HMCN1: variants seen among roughly 807,000 people sequenced by gnomAD.
HMCN1 encodes hemicentin-1.
In HMCN1, 321 loss-of-function variants were observed where a neutral mutation model predicts 625.9. The ratio of observed to expected loss-of-function variants is 0.51; its 90% CI spans 0.47 to 0.56. The LOEUF (loss-of-function observed/expected upper bound fraction) is 0.56. HMCN1 is among the 20% of genes least tolerant of loss of function. The pLI is 0.00. For missense variants in HMCN1, 6,588 were observed against 6,887.3 expected, an observed-to-expected ratio of 0.96 and a Z score of 1.54; for synonymous variants, 2,425 against 2,417.6, an observed-to-expected ratio of 1.00 and a Z score of -0.09.
rs74134349 is a variant in HMCN1, at chr1:185,881,963, A to C, written c.621+16100A>C. Among the ~76,000 whole-genome samples, 1,074 of 152,220 alleles carry C rather than the reference A, an allele frequency of 7.1e-3. 13 individuals are homozygous for C. The highest frequency in any genetic ancestry group is 0.023 in the African/African-American group (962 of 41,542). The stretch of plus-strand genomic sequence containing the variant: ...ATTTTCCCTGTACTTCCTCTTTTAG[A>C]TGGGGCCTGGAAAGTTGAAGTTCTG... On this transcript the variant is annotated intron_variant, in intron 4 of 106. Transcript: ENST00000271588.
In HMCN1 at chr1:186,151,606, G is replaced by A. The variant is rs746028576; in HGVS notation, c.14759G>A (p.Gly4920Asp). Reference sequence around the variant, plus strand: ...CTTATTTATCCTTTTTTTTCTTTAGGTTCAGCAATGAGAAAGATAGTTTCT... The same window carrying A: ...CTTATTTATCCTTTTTTTTCTTTAGATTCAGCAATGAGAAAGATAGTTTCT... ...AKITNVPRSLGSAMRKIVSIL... is the reference protein window; with the variant it reads ...AKITNVPRSLDSAMRKIVSIL... The change falls in exon 95 of 107, where the codon GGT becomes GAT. Residue 4920 changes from glycine to aspartate, a missense_variant and splice_region_variant. Coordinates refer to ENST00000271588, the MANE Select transcript of HMCN1 (RefSeq NM_031935.3). 6 of 1,608,496 alleles carry A rather than the reference G, an allele frequency of 3.7e-6. No homozygotes were observed. Among genetic ancestry groups the A allele is most frequent in the Admixed American group, 3.4e-5 (2 of 59,284 alleles).
chr1:186,152,940 A>C, intron 96 of HMCN1, 69 bp downstream of exon 96: 1 of 1,583,968 alleles, frequency 6.3e-7, no homozygotes, highest in East Asian at 2.3e-5. Context: ...CCATAGAATG[A>C]GCACAGATAA....
chr1:186,015,890 T>C (rs1654333840), intron 31 of HMCN1, 68 bp from the exon 32 acceptor site: 2 of 1,420,046 alleles, frequency 1.4e-6, no homozygotes, highest in Non-Finnish European at 2.0e-6. Context: ...AGCTCTTCTT[T>C]ATTTCATTAG....
intron 83 of HMCN1, among the ~76,000 whole-genome samples, chr1:186,129,712 A>C (rs1398324458): frequency 1.3e-5 from 2 of 152,174 alleles, no homozygotes; most frequent in Non-Finnish European, 2.9e-5. Context: ...CTTTAAACCT[A>C]AAATAATTTT....
intron 96 of HMCN1, 50 bp from the exon 97 acceptor site, chr1:186,153,700 A>G (rs748537975): frequency 6.6e-7 from 1 of 1,522,950 alleles, no homozygotes; most frequent in Non-Finnish European, 9.1e-7. Context: ...TTAAGGGAAA[A>G]AAATTAGTAT....
In HMCN1 at chr1:185,961,303, G is replaced by T. The variant is rs1197935758; in HGVS notation, c.1829-1215G>T. ...AATTTGCAGACTAACTTACAGGAAA[G>T]ATATATCATAAATATATTCACATCT... On this transcript the variant is annotated intron_variant, in intron 11 of 106. Coordinates refer to ENST00000271588, the MANE Select transcript of HMCN1 (RefSeq NM_031935.3). 2.6e-5 allele frequency among the ~76,000 whole-genome samples: 4 copies of T among 152,092 alleles called. No individual in the cohort carries two copies. In the East Asian group the frequency reaches 7.7e-4, roughly 29 times the overall value.
At chr1:185,823,109 AAT>A (rs1322117398) in intron 1 of HMCN1, among the ~76,000 whole-genome samples, 1 of 152,086 alleles carries the variant, frequency 6.6e-6, no homozygotes, top group Non-Finnish European at 1.5e-5. Context: ...TTCTCTAAGG[AAT>A]GAATACCAAT....
intron 53 of HMCN1, 142 bp downstream of exon 53, chr1:186,075,033 TAAAG>T: frequency 2.8e-6 from 2 of 708,396 alleles, no homozygotes; most frequent in East Asian, 2.7e-5. Context: ...ACTCGAGAAT[TAAAG>T]AAGGAAATAA....
rs536019281 is a variant in HMCN1, at chr1:186,057,249, T to C, written c.7160T>C (p.Ile2387Thr). ...DLSVHAPPSIIGNHRSPENIS... is the reference protein window; with the variant it reads ...DLSVHAPPSITGNHRSPENIS... ...TGTCTTACAGCTCCTCCAAGCATCA[T>C]AGGAAACCACAGGTCACCTGAAAAT... The change falls in exon 46 of 107, where the codon ATA becomes ACA. Residue 2387 changes from isoleucine (I) to threonine (T), a missense_variant. Ile to Thr is a moderately conservative substitution (Grantham distance 89). Around this residue, in one of 3 missense-constraint regions of HMCN1, gnomAD observed 4,628 missense variants for 4,853.1 expected, o/e 0.95. Coordinates refer to ENST00000271588, the MANE Select transcript of HMCN1 (RefSeq NM_031935.3). 26 of 1,611,392 alleles carry C rather than the reference T, an allele frequency of 1.6e-5. No homozygotes were observed. In the South Asian group the frequency reaches 2.5e-4, roughly 16 times the overall value.
At chr1:185,933,449 C>G in intron 10 of HMCN1, 100 bp from the exon 11 acceptor site, 1 of 1,148,254 alleles carries the variant, frequency 8.7e-7, no homozygotes. Flanking sequence ...ATCTTTCCTA[C>G]TGGATGTTCA....
At chr1:186,081,528 G>T (rs1019363042) in intron 56 of HMCN1, 134 bp downstream of exon 56, 1 of 647,320 alleles carries the variant, frequency 1.5e-6, no homozygotes, top group African/African-American at 1.8e-5. Context: ...ACCATCAAAG[G>T]TATATATAAT....
At chr1:185,762,637 G>C (rs532576063) in intron 1 of HMCN1, among the ~76,000 whole-genome samples, 2 of 152,230 alleles carry the variant, frequency 1.3e-5, no homozygotes, top group South Asian at 2.1e-4. Context: ...TAACAAGATA[G>C]GATAGATGAA....
chr1:186,093,458 C>CCT, intron 65 of HMCN1, 28 bp from the exon 66 acceptor site: 1 of 1,608,034 alleles, frequency 6.2e-7, no homozygotes, highest in Non-Finnish European at 8.5e-7. Flanking sequence ...ATCCCTCTTC[C>CCT]CTCTCTCTCA....
chr1:186,075,786 A>T (rs1448440972), intron 53 of HMCN1, among the ~76,000 whole-genome samples: 1 of 152,182 alleles, frequency 6.6e-6, no homozygotes, highest in African/African-American at 2.4e-5. Flanking sequence ...TGCTACACTG[A>T]ACATCTTTAT....
intron 4 of HMCN1, among the ~76,000 whole-genome samples, chr1:185,902,873 A>T (rs932582418): frequency 1.3e-5 from 2 of 151,626 alleles, no homozygotes; most frequent in Non-Finnish European, 3.0e-5. Context: ...TCCTTTTAAA[A>T]CTAGAAAGTT....
rs748529848 is a variant in HMCN1, at chr1:186,136,694, G to C, written c.13339G>C (p.Val4447Leu). Residue 4447 changes from valine to leucine, a missense_variant, in exon 87 of 107, where the codon GTG becomes CTG. Physicochemically the swap from Val to Leu is conservative, Grantham distance 32. This residue lies in a region of HMCN1 where 1,954 missense variants were observed against 2,013.1 expected (regional missense o/e 0.97). Transcript: ENST00000271588. ...TCCTCCTATTATCACTCTTGAGCCAGTGGAAACTGTTATTAATGCTGGTGG... is the reference window on the plus strand; with the variant it reads ...TCCTCCTATTATCACTCTTGAGCCACTGGAAACTGTTATTAATGCTGGTGG... The part of the protein sequence containing the change: ...QSPPIITLEP[V>L]ETVINAGGKI... 48 of 1,613,850 alleles carry C rather than the reference G, an allele frequency of 3.0e-5. No individual in the cohort carries two copies. In the Admixed American group the frequency reaches 8.0e-4, roughly 27 times the overall value.
intron 1 of HMCN1, among the ~76,000 whole-genome samples, chr1:185,796,278 A>G (rs570410098): frequency 6.6e-6 from 1 of 152,224 alleles, no homozygotes. Context: ...TCCCTCATTG[A>G]TATGACAGGA....
At chr1:185,967,797 T>C (rs1374565702) in intron 14 of HMCN1, among the ~76,000 whole-genome samples, 3 of 152,168 alleles carry the variant, frequency 2.0e-5, no homozygotes, top group Non-Finnish European at 4.4e-5. Flanking sequence ...GAAGAGTTCC[T>C]GCCTTCACCA....
chr1:185,877,449 T>C (rs1295693936), intron 4 of HMCN1, among the ~76,000 whole-genome samples: 1 of 151,158 alleles, frequency 6.6e-6, no homozygotes, highest in Non-Finnish European at 1.5e-5. Context: ...GCTATAGGGC[T>C]CTTTTTTGGT....
Sources: allele counts gnomAD v4.1 joint callset (sites outside exome capture counted in the v4.1 genomes callset), GRCh38; gene constraint gnomAD v4.1.1; regional missense constraint gnomAD v4.1.1; transcripts MANE v1.5; gene names NCBI Gene and HGNC (gene_info 2026-07-23, HGNC 2026-07-21).